The following UNC79 variants were observed in gnomAD, a reference collection of about 807,000 sequenced individuals.
The protein encoded by UNC79 is protein unc-79 homolog.
A neutral mutation model predicts 283.1 loss-of-function variants in UNC79; 37 were observed. The ratio of observed to expected loss-of-function variants is 0.13; its 90% CI spans 0.10 to 0.17. The LOEUF is 0.17. Among genes scored for constraint, UNC79 ranks in the 10% least tolerant of loss-of-function variants. The probability of loss-of-function intolerance (pLI) is 1.00; values close to 1 mark genes in which losing one functional copy is unlikely to be tolerated. For missense variants in UNC79, 2,272 were observed against 3,211.1 expected (o/e 0.71, Z 7.07); for synonymous variants, 1,107 against 1,200.2 (o/e 0.92, Z 1.61).
chr14:93,483,470 G>A (rs1357654963), intron 4 of UNC79, among the ~76,000 whole-genome samples: 3 of 150,334 alleles, frequency 2.0e-5, no homozygotes, highest in African/African-American at 7.4e-5. Flanking sequence ...CACCATATCA[G>A]GTAACACAGC....
At chr14:93,657,896 C>T (rs1455272674) in intron 38 of UNC79, among the ~76,000 whole-genome samples, 2 of 152,146 alleles carry the variant, frequency 1.3e-5, no homozygotes, top group African/African-American at 4.8e-5. Flanking sequence ...TCACGCCTGC[C>T]AATTGTTGTT....
At chr14:93,414,037 T>A (rs1299308800) in intron 1 of UNC79, among the ~76,000 whole-genome samples, 1 of 152,184 alleles carries the variant, frequency 6.6e-6, no homozygotes, top group East Asian at 1.9e-4. Context: ...TTTAATTAGA[T>A]CCCATTTGTC....
chr14:93,619,739 T>G (rs1450712379), intron 29 of UNC79, among the ~76,000 whole-genome samples: 6 of 152,240 alleles, frequency 3.9e-5, no homozygotes, highest in African/African-American at 1.4e-4. Context: ...TAAAACTTGA[T>G]GTATATACTG....
Position 93,487,878 on chromosome 14 carries a change from C to G in UNC79, c.712+123C>G, listed in dbSNP as rs140375475. 4.7e-6 allele frequency: 4 copies of G among 856,618 alleles called. No homozygotes were observed. The African/African-American group carries it at 6.7e-5, about 14-fold the overall frequency. 53.1% of individuals were successfully genotyped at this position (856,618 alleles called of 1,614,324 possible). A position where few individuals can be genotyped will look rare whatever the true frequency, so the allele number is the denominator to read the frequency against. ...ATCATAGAGATGTGTAGAAAACAGA[C>G]TTTTGAGTTGGAATCAATTTATCTT... is the stretch of plus-strand genomic sequence containing the variant. On this transcript the variant is annotated intron_variant, in intron 5 of 48. Coordinates refer to ENST00000555664, the Ensembl canonical transcript of UNC79.
chr14:93,517,213 A>T (rs1305146160), intron 7 of UNC79, among the ~76,000 whole-genome samples: 10 of 99,506 alleles, frequency 1.0e-4, no homozygotes, highest in Middle Eastern at 0.01. Context: ...CCCTTTCTCC[A>T]TCCCTCCCTT....
At chr14:93,353,313 C>G (rs1253902661) in intron 1 of UNC79, among the ~76,000 whole-genome samples, 1 of 152,188 alleles carries the variant, frequency 6.6e-6, no homozygotes, top group Non-Finnish European at 1.5e-5. Context: ...AAGTGATTTT[C>G]CCACCTTGAC....
At chr14:93,615,019 C>G (rs2066594685) in intron 27 of UNC79, among the ~76,000 whole-genome samples, 1 of 152,178 alleles carries the variant, frequency 6.6e-6, no homozygotes, top group African/African-American at 2.4e-5. Context: ...CACCAATCTG[C>G]AAAGATAGAG....
Position 93,351,778 on chromosome 14 carries a change from A to G in UNC79, c.-351+18255A>G, listed in dbSNP as rs895919893. On this transcript the variant is annotated intron_variant, in intron 1 of 49. Transcript: ENST00000256339. ...TCAAAAATCTGCAGGATAGGCTGGC[A>G]GGCAGGAAGACATAGGAAGGAGTTG... Among the ~76,000 whole-genome samples the G allele has an allele frequency of 7.9e-5, 12 of 152,290 alleles. No homozygotes were observed. The East Asian group carries it at 2.3e-3, about 29-fold the overall frequency.
At chr14:93,365,860 C>T (rs1453463039) in intron 1 of UNC79, among the ~76,000 whole-genome samples, 1 of 152,068 alleles carries the variant, frequency 6.6e-6, no homozygotes, top group Non-Finnish European at 1.5e-5. Context: ...TTTCCCAGAG[C>T]TGGAAATGAT....
At chr14:93,457,548 T>C (rs1045127332) in intron 1 of UNC79, among the ~76,000 whole-genome samples, 1 of 152,178 alleles carries the variant, frequency 6.6e-6, no homozygotes, top group African/African-American at 2.4e-5. Flanking sequence ...GTTAGAGTTT[T>C]TGCAAGTCAG....
At chr14:93,684,559 A>G (rs1328475684) in intron 42 of UNC79, among the ~76,000 whole-genome samples, 1 of 152,206 alleles carries the variant, frequency 6.6e-6, no homozygotes, top group African/African-American at 2.4e-5. Flanking sequence ...ATTTAATTAA[A>G]AAGCAAGTTA....
intron 14 of UNC79, among the ~76,000 whole-genome samples, chr14:93,545,311 A>C (rs1390135308): frequency 6.6e-6 from 1 of 152,184 alleles, no homozygotes; most frequent in Non-Finnish European, 1.5e-5. Context: ...ATTTGGTCTG[A>C]TCATTTGCAC....
intron 46 of UNC79, among the ~76,000 whole-genome samples, chr14:93,693,646 G>A (rs189626842): frequency 4.6e-5 from 7 of 152,200 alleles, no homozygotes; most frequent in East Asian, 1.9e-4. Flanking sequence ...ATAAAGCCTC[G>A]GAAGCAGATC....
chr14:93,385,887 T>G (rs1227431475), intron 1 of UNC79, among the ~76,000 whole-genome samples: 2 of 152,190 alleles, frequency 1.3e-5, no homozygotes, highest in Non-Finnish European at 2.9e-5. Context: ...GTCTTTAGGT[T>G]TTTCCAAATA....
intron 1 of UNC79, among the ~76,000 whole-genome samples, chr14:93,451,558 G>C (rs532428749): frequency 6.6e-6 from 1 of 152,208 alleles, no homozygotes; most frequent in Non-Finnish European, 1.5e-5. Context: ...GAGACCCTCT[G>C]ATGTGTCTCT....
intron 47 of UNC79, among the ~76,000 whole-genome samples, chr14:93,696,534 G>A (rs138446452): frequency 6.6e-6 from 1 of 152,152 alleles, no homozygotes; most frequent in African/African-American, 2.4e-5. Flanking sequence ...CTGGTATCTT[G>A]TTGTGGTTTT....
At chr14:93,660,132 A>G (rs1449860575) in intron 39 of UNC79, among the ~76,000 whole-genome samples, 2 of 152,182 alleles carry the variant, frequency 1.3e-5, no homozygotes, top group East Asian at 3.9e-4. Context: ...TTGCATTGCT[A>G]TAGCTTGTAA....
intron 14 of UNC79, among the ~76,000 whole-genome samples, chr14:93,570,627 A>AGG (rs2063157029): frequency 1.3e-5 from 2 of 152,106 alleles, no homozygotes. Flanking sequence ...TCTGTTATTT[A>AGG]ATTTTATTAA....
At chr14:93,642,268 C>CA (rs1370525549) in intron 33 of UNC79, among the ~76,000 whole-genome samples, 6 of 151,462 alleles carry the variant, frequency 4.0e-5, no homozygotes, top group African/African-American at 7.3e-5. Context: ...ACTAAAAATA[C>CA]AAAAAAATTA....
Sources: gnomAD v4.1 joint callset for allele counts (sites outside exome capture counted in the v4.1 genomes callset) on GRCh38, gnomAD v4.1.1 for gene constraint, MANE v1.5 for transcripts, NCBI Gene and HGNC (gene_info 2026-07-23, HGNC 2026-07-21) for gene names.